OR11H4: variants seen among roughly 807,000 people sequenced by gnomAD.
The protein encoded by OR11H4 is olfactory receptor family 11 subfamily H member 4, also known as olfactory receptor 11H4.
For synonymous variants in OR11H4, 162 were observed against 142.3 expected (o/e 1.14, Z -0.98); for missense variants, 460 against 371.1 (o/e 1.24, Z -1.97).
intron 1 of OR11H4, among the ~76,000 whole-genome samples, chr14:20,242,275 C>T (rs1347875844): frequency 6.6e-6 from 1 of 152,036 alleles, no homozygotes; most frequent in African/African-American, 2.4e-5. Flanking sequence ...TGCATTGTGC[C>T]CCTGGTTTAT....
chr14:20,242,641 C>T (rs1404561179), intron 1 of OR11H4, 170 bp from the exon 2 acceptor site: 3 of 692,816 alleles, frequency 4.3e-6, no homozygotes, highest in Non-Finnish European at 7.2e-6. Flanking sequence ...CAGAGAACCA[C>T]AATCAATTCA....
In OR11H4 at chr14:20,243,441, T is replaced by C; in HGVS notation, c.620T>C (p.Leu207Pro). 1 of 1,613,842 alleles carries C rather than the reference T, an allele frequency of 6.2e-7. No individual in the cohort carries two copies. Among genetic ancestry groups the C allele is most frequent in the Non-Finnish European group, 8.5e-7 (1 of 1,179,822 alleles). ...TTCTATACTCAGAGCTCCCTTGTCC[T>C]CTTTTTCACTAGTATGTACATTCTT... ...CIFYTQSSLV[L>P]FFTSMYILRS... The change falls in exon 2 of 2, where the codon CTC (leucine) becomes CCC (proline). Residue 207 changes from leucine to proline, a missense_variant. Leu to Pro is a moderately conservative substitution (Grantham distance 98). Coordinates refer to ENST00000641082, the MANE Select transcript of OR11H4 (RefSeq NM_001004479.2).
Position 20,243,405 on chromosome 14 carries a change from C to T in OR11H4, c.584C>T (p.Thr195Ile). The T allele has an allele frequency of 6.2e-7, 1 of 1,614,018 alleles. No individual in the cohort carries two copies. Residue 195 changes from threonine (T) to isoleucine (I), a missense_variant, in exon 2 of 2, where the codon ACT becomes ATT. Coordinates refer to ENST00000641082, the MANE Select transcript of OR11H4 (RefSeq NM_001004479.2). ...MALSCAPAPI[T>I]ECIFYTQSSL... ...CTATCCTGTGCCCCAGCTCCCATAACTGAATGTATTTTCTATACTCAGAGC... is the reference window on the plus strand; with the variant it reads ...CTATCCTGTGCCCCAGCTCCCATAATTGAATGTATTTTCTATACTCAGAGC...
rs1021595499 is a variant in OR11H4 at position 20,244,224 on chromosome 14, T to C, written c.*458T>C. ...TCTCAATTTTTTTTACTTACAACAA[T>C]AATATGTGATTGTTGTAATAAATTC... On this transcript the variant is annotated 3_prime_UTR_variant, in exon 2 of 2. Coordinates refer to ENST00000641082, the MANE Select transcript of OR11H4 (RefSeq NM_001004479.2). 1 of 153,034 alleles carries C rather than the reference T, an allele frequency of 6.5e-6. No homozygotes were observed. The highest frequency in any genetic ancestry group is 3.4e-3 in the Middle Eastern group (1 of 294). The allele number at this position is 153,034 out of a possible 1,614,324, so 9.5% of individuals were successfully genotyped here.
chr14:20,242,145 C>T (rs8005691), intron 1 of OR11H4, among the ~76,000 whole-genome samples: 4 of 151,468 alleles, frequency 2.6e-5, no homozygotes, highest in African/African-American at 4.9e-5. Flanking sequence ...TACGGGTGTC[C>T]GGCTGGGGGA....
Position 20,242,884 on chromosome 14 carries a change from G to A in OR11H4, c.63G>A (p.Trp21Ter), listed in dbSNP as rs373407456. Reference protein sequence around the residue: ...EFILLGFPGCWKIQIFLFSLF... With the variant: ...EFILLGFPGC The stretch of plus-strand genomic sequence containing the variant: ...TTCTCCTGGGATTCCCTGGTTGCTG[G>A]AAGATTCAGATTTTCCTCTTCTCAT... The change falls in exon 2 of 2, where the codon TGG becomes TGA. Residue 21 changes from tryptophan to a stop codon, truncating the protein, a stop_gained. Coordinates refer to ENST00000641082, the MANE Select transcript of OR11H4 (RefSeq NM_001004479.2). LOFTEE classifies it low-confidence loss of function (END_TRUNC). 7 of 1,614,008 alleles carry A rather than the reference G, an allele frequency of 4.3e-6. No homozygotes were observed. Among genetic ancestry groups the A allele is most frequent in the Non-Finnish European group, 5.9e-6 (7 of 1,180,020 alleles).
intron 1 of OR11H4, among the ~76,000 whole-genome samples, chr14:20,239,698 A>G (rs1566369892): frequency 6.6e-6 from 1 of 152,050 alleles, no homozygotes; most frequent in Non-Finnish European, 1.5e-5. Flanking sequence ...TCTCAGAAAA[A>G]AAAAAGAAAA....
In OR11H4 at chr14:20,243,763, G is replaced by C; in HGVS notation, c.942G>C (p.Ser314=). 1 of 1,570,052 alleles carries C rather than the reference G, an allele frequency of 6.4e-7. No homozygotes were observed. The change falls in exon 2 of 2, where the codon TCG becomes TCC. Residue 314 remains serine (S), a synonymous_variant. Transcript: ENST00000641082. The stretch of plus-strand genomic sequence containing the variant: ...TTGGAATGAGAATTCGTCAAAATTC[G>C]TGAGCCAAAGATGTGCCATACTTAC... ...VLFGMRIRQN[S] is the part of the protein sequence containing the mutation.
At chr14:20,241,454 C>T (rs550631072) in intron 1 of OR11H4, among the ~76,000 whole-genome samples, 15 of 152,038 alleles carry the variant, frequency 9.9e-5, no homozygotes, top group African/African-American at 3.4e-4. Flanking sequence ...GCTAGAAAAC[C>T]CATAATCAAC....
At position 20,243,239 on chromosome 14, in the gene OR11H4, T is replaced by A; in HGVS notation, c.418T>A (p.Phe140Ile). 1 of 1,614,108 alleles carries A rather than the reference T, an allele frequency of 6.2e-7. No homozygotes were observed. Among genetic ancestry groups the A allele is most frequent in the Non-Finnish European group, 8.5e-7 (1 of 1,180,010 alleles). ...GTACCCTGCCATCATGACTGTAAGG[T>A]TCTGTGGTAAGCTGGTGTCTTTCTG... The part of the protein sequence containing the change: ...LQYPAIMTVR[F>I]CGKLVSFCWL... Residue 140 changes from phenylalanine to isoleucine, a missense_variant, in exon 2 of 2, where the codon TTC becomes ATC. By Grantham distance (21) the Phe-to-Ile change is conservative (BLOSUM62 0). Coordinates refer to ENST00000641082, the MANE Select transcript of OR11H4 (RefSeq NM_001004479.2).
chr14:20,242,588 A>T (rs1342755340), intron 1 of OR11H4, among the ~76,000 whole-genome samples: 3 of 152,200 alleles, frequency 2.0e-5, no homozygotes, highest in Non-Finnish European at 2.9e-5. Context: ...AGTGTCAAAA[A>T]TTCTAGCTGC....
chr14:20,241,190 A>G (rs1336914551), intron 1 of OR11H4, among the ~76,000 whole-genome samples: 1 of 152,144 alleles, frequency 6.6e-6, no homozygotes, highest in Non-Finnish European at 1.5e-5. Context: ...CATTTTCCTT[A>G]TTTCATCTAC....
At position 20,243,037 on chromosome 14, in the gene OR11H4, G is replaced by T. The variant is rs1391807327; in HGVS notation, c.216G>T (p.Trp72Cys). ...LLGNFAFLEI[W>C]YVSSTIPNML... is the part of the protein sequence containing the mutation. ...GAAATTTTGCCTTCCTTGAGATCTG[G>T]TATGTGTCCTCCACTATTCCTAACA... Residue 72 changes from tryptophan to cysteine, a missense_variant, in exon 2 of 2, where the codon TGG becomes TGT. By Grantham distance (215) the Trp-to-Cys change is radical (BLOSUM62 -2). Coordinates refer to ENST00000641082, the MANE Select transcript of OR11H4 (RefSeq NM_001004479.2). 6.2e-7 allele frequency: 1 copy of T among 1,613,992 alleles called. No individual in the cohort carries two copies. Among genetic ancestry groups the T allele is most frequent in the African/African-American group, 1.3e-5 (1 of 74,892 alleles).
chr14:20,242,045 T>A (rs1200943006), intron 1 of OR11H4, among the ~76,000 whole-genome samples: 3 of 151,916 alleles, frequency 2.0e-5, no homozygotes, highest in Admixed American at 6.6e-5. Flanking sequence ...GACATTCAGT[T>A]CCCAGGGGCA....
chr14:20,244,043 A>C lies in OR11H4; in HGVS notation c.*277A>C, dbSNP rs1168106281. Reference sequence around the variant, plus strand: ...CTCCTGCTGACATGCCCCATGGTTCATCATTGTATATCTTCTTCCTCATTG... The same window carrying C: ...CTCCTGCTGACATGCCCCATGGTTCCTCATTGTATATCTTCTTCCTCATTG... On this transcript the variant is annotated 3_prime_UTR_variant, in exon 2 of 2. Transcript: ENST00000641082. 1 of 277,558 alleles carries C rather than the reference A, an allele frequency of 3.6e-6. No individual in the cohort carries two copies. The highest frequency in any genetic ancestry group is 6.7e-6 in the Non-Finnish European group (1 of 148,602). 17.2% of individuals were successfully genotyped at this position (277,558 alleles called of 1,614,324 possible). A position where few individuals can be genotyped will look rare whatever the true frequency, so the allele number is the denominator to read the frequency against.
Position 20,244,294 on chromosome 14 carries a change from T to C in OR11H4, c.*528T>C, listed in dbSNP as rs1162626974. The C allele has an allele frequency of 6.6e-6, 1 of 152,302 alleles. No homozygotes were observed. The highest frequency in any genetic ancestry group is 1.5e-5 in the Non-Finnish European group (1 of 68,154). 9.4% of individuals were successfully genotyped at this position (152,302 alleles called of 1,614,324 possible). A position where few individuals can be genotyped will look rare whatever the true frequency, so the allele number is the denominator to read the frequency against. On this transcript the variant is annotated 3_prime_UTR_variant, in exon 2 of 2. Coordinates refer to ENST00000641082, the MANE Select transcript of OR11H4 (RefSeq NM_001004479.2). ...CCATCTTCACTCCCATATTCACCAATTTTCCTATCTGCTCCTCAGAGTCAA... is the reference window on the plus strand; with the variant it reads ...CCATCTTCACTCCCATATTCACCAACTTTCCTATCTGCTCCTCAGAGTCAA...
At chr14:20,239,477 G>A (rs111480348) in intron 1 of OR11H4, 146 bp downstream of exon 1, 11,279 of 152,388 alleles carry the variant, frequency 0.074, 610 homozygotes, top group Non-Finnish European at 0.11. Flanking sequence ...GTCCGATCAC[G>A]AGGTCAGGAG....
In OR11H4 at chr14:20,243,167, G is replaced by A. The variant is rs774004187; in HGVS notation, c.346G>A (p.Ala116Thr). The change falls in exon 2 of 2, where the codon GCA becomes ACA. Residue 116 changes from alanine to threonine, a missense_variant. Ala to Thr is a moderately conservative substitution (Grantham distance 58). Transcript: ENST00000641082. ...GGGAACAACTGAATGTCTCTTTCTG[G>A]CAGTAATGGCTTATGATCGATACCT... Reference protein sequence around the residue: ...SLGTTECLFLAVMAYDRYLAI... With the variant: ...SLGTTECLFLTVMAYDRYLAI... 9.3e-6 allele frequency: 15 copies of A among 1,614,062 alleles called. No individual in the cohort carries two copies. The highest frequency in any genetic ancestry group is 1.0e-5 in the Non-Finnish European group (12 of 1,180,020).
In OR11H4 at chr14:20,243,254, G is replaced by T. The variant is rs368888113; in HGVS notation, c.433G>T (p.Val145Leu). Residue 145 changes from valine to leucine, a missense_variant, in exon 2 of 2, where the codon GTG becomes TTG. Transcript: ENST00000641082. ...IMTVRFCGKL[V>L]SFCWLIGFLG... is the part of the protein sequence containing the mutation. ...GACTGTAAGGTTCTGTGGTAAGCTG[G>T]TGTCTTTCTGTTGGCTTATTGGATT... 3.2e-5 allele frequency: 52 copies of T among 1,613,994 alleles called. No individual in the cohort carries two copies. Among genetic ancestry groups the T allele is most frequent in the African/African-American group, 5.3e-5 (4 of 74,878 alleles).
Sources: gnomAD v4.1 joint callset for allele counts (sites outside exome capture counted in the v4.1 genomes callset) on GRCh38, gnomAD v4.1.1 for gene constraint, MANE v1.5 for transcripts, NCBI Gene and HGNC (gene_info 2026-07-23, HGNC 2026-07-21) for gene names.